SGCZ: variants seen among roughly 807,000 people sequenced by gnomAD.
The protein encoded by SGCZ is zeta-sarcoglycan.
A neutral mutation model predicts 41.3 loss-of-function variants in SGCZ; 40 were observed. The observed-to-expected ratio is 0.97, with a 90% CI of 0.75 to 1.26. The LOEUF (loss-of-function observed/expected upper bound fraction) is 1.26. Among genes scored for constraint, SGCZ ranks in the 50% most tolerant of loss-of-function variants. The probability of loss-of-function intolerance (pLI) is 0.00; values close to 1 mark genes in which losing one functional copy is unlikely to be tolerated. For synonymous variants in SGCZ, 206 were observed against 137.5 expected (o/e 1.50, Z -3.49); for missense variants, 552 against 369.8 (o/e 1.49, Z -4.04).
chr8:14,931,120 G>C (rs1165040673), intron 1 of SGCZ, among the ~76,000 whole-genome samples: 3 of 151,980 alleles, frequency 2.0e-5, no homozygotes, highest in South Asian at 4.1e-4. Context: ...AGGTGTCTTA[G>C]ATATTATATT....
At chr8:14,828,595 A>G (rs1802419935) in intron 1 of SGCZ, among the ~76,000 whole-genome samples, 1 of 152,210 alleles carries the variant, frequency 6.6e-6, no homozygotes, top group Non-Finnish European at 1.5e-5. Flanking sequence ...TTCTGAAGAC[A>G]AAGCACAATC....
chr8:14,722,739 A>G (rs1357876831), intron 1 of SGCZ, among the ~76,000 whole-genome samples: 1 of 152,150 alleles, frequency 6.6e-6, no homozygotes, highest in Non-Finnish European at 1.5e-5. Context: ...AATCAAGGAA[A>G]CATATGAGGG....
chr8:14,917,786 T>G (rs1474677770), intron 1 of SGCZ, among the ~76,000 whole-genome samples: 1 of 152,092 alleles, frequency 6.6e-6, no homozygotes, highest in Non-Finnish European at 1.5e-5. Context: ...AACTAAATGA[T>G]TTCGTGTCTT....
intron 1 of SGCZ, among the ~76,000 whole-genome samples, chr8:14,844,506 TTTCAC>T (rs1437273421): frequency 6.6e-6 from 1 of 152,120 alleles, no homozygotes; most frequent in Non-Finnish European, 1.5e-5. Flanking sequence ...GTTCCAACTG[TTTCAC>T]TTCTATCCCC....
At chr8:14,466,261 T>A (rs993905101) in intron 2 of SGCZ, among the ~76,000 whole-genome samples, 1 of 151,984 alleles carries the variant, frequency 6.6e-6, no homozygotes, top group Non-Finnish European at 1.5e-5. Flanking sequence ...GTTGCCAGTT[T>A]TTTTGTTTGT....
chr8:14,261,754 G>A (rs1217546698), intron 3 of SGCZ, among the ~76,000 whole-genome samples: 1 of 152,114 alleles, frequency 6.6e-6, no homozygotes, highest in African/African-American at 2.4e-5. Context: ...TGGAGTAACA[G>A]ACTCCATAAA....
intron 2 of SGCZ, among the ~76,000 whole-genome samples, chr8:14,333,298 G>A (rs546763884): frequency 6.6e-6 from 1 of 151,978 alleles, no homozygotes; most frequent in Non-Finnish European, 1.5e-5. Flanking sequence ...GATGGTAAAT[G>A]GAGACAACTG....
intron 4 of SGCZ, among the ~76,000 whole-genome samples, chr8:14,180,370 G>A (rs919866114): frequency 2.0e-5 from 3 of 152,120 alleles, no homozygotes; most frequent in Admixed American, 2.0e-4. Flanking sequence ...TGAATGCGGG[G>A]AGGGGGCCAG....
intron 1 of SGCZ, among the ~76,000 whole-genome samples, chr8:14,587,608 T>C (rs2117275633): frequency 6.6e-6 from 1 of 152,328 alleles, no homozygotes; most frequent in East Asian, 1.9e-4. Context: ...GACAGTCTTA[T>C]TGCAGTGAAC....
chr8:14,730,079 G>C (rs1810185700), intron 1 of SGCZ, among the ~76,000 whole-genome samples: 1 of 152,240 alleles, frequency 6.6e-6, no homozygotes, highest in South Asian at 2.1e-4. Context: ...GACTGAGACA[G>C]CGTCTCAAAA....
intron 1 of SGCZ, among the ~76,000 whole-genome samples, chr8:14,656,711 T>G (rs997164764): frequency 4.0e-5 from 6 of 151,406 alleles, no homozygotes; most frequent in Non-Finnish European, 5.9e-5. Context: ...CTTTCTCCAC[T>G]GGAATCTCTA....
At chr8:14,368,100 T>C (rs1037585336) in intron 2 of SGCZ, among the ~76,000 whole-genome samples, 4 of 151,436 alleles carry the variant, frequency 2.6e-5, no homozygotes, top group African/African-American at 7.3e-5. Flanking sequence ...CAGTGTAACA[T>C]TTTTTTTAAA....
chr8:14,088,293 T>C lies in SGCZ; in HGVS notation c.*2150A>G, dbSNP rs1585122199. 1.3e-5 allele frequency among the ~76,000 whole-genome samples: 2 copies of C among 151,946 alleles called. No homozygotes were observed. The highest frequency in any genetic ancestry group is 4.1e-4 in the South Asian group (2 of 4,826). On this transcript the variant is annotated 3_prime_UTR_variant, in exon 8 of 8. Transcript: ENST00000382080. ...TCTCGAACTGCCTAAAACAGCTCAA[T>C]TGATTAGTAGAAGACAGCTGAGATT...
chr8:15,080,753 G>C (rs1805714542), intron 1 of SGCZ, among the ~76,000 whole-genome samples: 1 of 151,938 alleles, frequency 6.6e-6, no homozygotes, highest in African/African-American at 2.4e-5. Flanking sequence ...ACCATGCTCA[G>C]CTAATTTTTT....
intron 2 of SGCZ, among the ~76,000 whole-genome samples, chr8:14,327,753 C>T (rs181092251): frequency 6.6e-6 from 1 of 152,198 alleles, no homozygotes; most frequent in Admixed American, 6.5e-5. Flanking sequence ...TTAGATAAAA[C>T]AGAATTCCCC....
At chr8:14,115,862 C>G (rs1471048420) in intron 5 of SGCZ, among the ~76,000 whole-genome samples, 1 of 151,864 alleles carries the variant, frequency 6.6e-6, no homozygotes, top group African/African-American at 2.4e-5. Flanking sequence ...ATTCTTCAAG[C>G]TCTTCACCAC....
At chr8:14,664,437 T>C (rs1209815559) in intron 1 of SGCZ, among the ~76,000 whole-genome samples, 1 of 152,212 alleles carries the variant, frequency 6.6e-6, no homozygotes, top group African/African-American at 2.4e-5. Context: ...CCAATATTTG[T>C]TTAATTCGAT....
At chr8:14,447,674 A>C (rs1800471900) in intron 2 of SGCZ, among the ~76,000 whole-genome samples, 1 of 152,190 alleles carries the variant, frequency 6.6e-6, no homozygotes, top group African/African-American at 2.4e-5. Flanking sequence ...GATGAATTAG[A>C]AAAACCAGAG....
chr8:14,735,352 A>G (rs1432672164), intron 1 of SGCZ, among the ~76,000 whole-genome samples: 3 of 152,220 alleles, frequency 2.0e-5, no homozygotes, highest in Non-Finnish European at 2.9e-5. Context: ...GCACCATCCA[A>G]TTGGCCGCCA....
Sources: allele counts gnomAD v4.1 joint callset (sites outside exome capture counted in the v4.1 genomes callset), GRCh38; gene constraint gnomAD v4.1.1; transcripts MANE v1.5; gene names NCBI Gene and HGNC (gene_info 2026-07-23, HGNC 2026-07-21).